The following DENND3 variants were observed in gnomAD, a reference collection of about 807,000 sequenced individuals.
DENND3 encodes the protein DENN domain-containing protein 3.
In DENND3, 88 loss-of-function variants were observed where a neutral mutation model predicts 135.1. The ratio of observed to expected loss-of-function variants is 0.65; its 90% CI spans 0.55 to 0.78. The LOEUF is 0.78. DENND3 is among the 30% of genes least tolerant of loss of function. The pLI, the probability that DENND3 is intolerant of heterozygous loss-of-function variation, is 0.00. For missense variants in DENND3, 1,392 were observed against 1,688.4 expected (o/e 0.82, Z 3.08); for synonymous variants, 693 against 712.3 (o/e 0.97, Z 0.43).
In DENND3 at chr8:141,168,335, G is replaced by A. The variant is rs780420894; in HGVS notation, c.2085G>A (p.Pro695=). 1.1e-5 allele frequency: 18 copies of A among 1,613,814 alleles called. No homozygotes were observed. The highest frequency in any genetic ancestry group is 5.3e-5 in the African/African-American group (4 of 74,910). The change falls in exon 13 of 23, where the codon CCG becomes CCA. Residue 695 remains proline (P), a synonymous_variant. Coordinates refer to ENST00000519811, the MANE Select transcript of DENND3 (RefSeq NM_001352890.3). This position sits in a 1 kb window ranked among gnomAD's most constrained non-coding sequence, Gnocchi z 6.2. ...APEWEGAEQA[P]ELMRLISEIL... The stretch of plus-strand genomic sequence containing the variant: ...AGTGGGAGGGGGCTGAGCAGGCGCC[G>A]GAGCTGATGAGGCTCATCAGCGAGA...
intron 20 of DENND3, chr8:141,191,927 C>T (rs1287703746): frequency 6.3e-6 from 1 of 158,354 alleles, no homozygotes; most frequent in Non-Finnish European, 1.4e-5. Context: ...CTAAGAATTG[C>T]AATATGCAAC....
rs1419876825 is a variant in DENND3 at position 141,139,141 on chromosome 8, G to T, written c.501+1004G>T. ...AGCGAGCCGGAGCCTTAATTTAGGT[G>T]CCCTGGTGCCATGAAGGGAAGTCTG... On this transcript the variant is annotated intron_variant, in intron 3 of 22. Transcript: ENST00000519811. The surrounding 1 kb of genome is among the most constrained non-coding windows in gnomAD (Gnocchi z 4.2). Among the ~76,000 whole-genome samples, 4 of 152,136 alleles carry T rather than the reference G, an allele frequency of 2.6e-5. No individual in the cohort carries two copies. Among genetic ancestry groups the T allele is most frequent in the Non-Finnish European group, 1.5e-5 (1 of 68,034 alleles).
Position 141,130,646 on chromosome 8 carries a change from G to GTT in DENND3, c.102+1842_102+1843dup, listed in dbSNP as rs112503159. On this transcript the variant is annotated intron_variant, in intron 1 of 22. Coordinates refer to ENST00000519811, the MANE Select transcript of DENND3 (RefSeq NM_001352890.3). This position sits in a 1 kb window ranked among gnomAD's most constrained non-coding sequence, Gnocchi z 4.2. Reference sequence around the variant, plus strand: ...AACATATGATTTTATTTATTTAGATGTTTTTTCGGCGGTTCTATTTTGAAT... The same window carrying GTT: ...AACATATGATTTTATTTATTTAGATGTTTTTTTTCGGCGGTTCTATTTTGAAT... 3.3e-5 allele frequency among the ~76,000 whole-genome samples: 5 copies of GTT among 151,140 alleles called. No homozygotes were observed. Among genetic ancestry groups the GTT allele is most frequent in the Admixed American group, 1.3e-4 (2 of 15,200 alleles).
intron 17 of DENND3, among the ~76,000 whole-genome samples, chr8:141,183,594 TC>T (rs1437814783): frequency 2.6e-5 from 4 of 151,822 alleles, no homozygotes; most frequent in Non-Finnish European, 5.9e-5. Context: ...TTTTTTTTCC[TC>T]CTTTCAAATG....
intron 17 of DENND3, among the ~76,000 whole-genome samples, chr8:141,183,135 A>G (rs1028042762): frequency 1.1e-4 from 17 of 152,252 alleles, no homozygotes; most frequent in Admixed American, 9.8e-4. Flanking sequence ...CTTCTAGGTG[A>G]TAGGGTAGAA....
In DENND3 at chr8:141,168,537, C is replaced by T; in HGVS notation, c.2275+12C>T. 6.3e-7 allele frequency: 1 copy of T among 1,591,048 alleles called. No individual in the cohort carries two copies. The highest frequency in any genetic ancestry group is 8.6e-7 in the Non-Finnish European group (1 of 1,166,012). ...GGCCTTGACTGTAGGTAAGAGGAGG[C>T]CTGGCACCATCACAGATTTTATTAT... On this transcript the variant is annotated intron_variant, in intron 13 of 22. Transcript: ENST00000519811. This position sits in a 1 kb window ranked among gnomAD's most constrained non-coding sequence, Gnocchi z 6.2.
In DENND3 at chr8:141,154,996, T is replaced by C. The variant is rs1267569186; in HGVS notation, c.1075-853T>C. On this transcript the variant is annotated intron_variant, in intron 7 of 22. Coordinates refer to ENST00000519811, the MANE Select transcript of DENND3 (RefSeq NM_001352890.3). This position sits in a 1 kb window ranked among gnomAD's most constrained non-coding sequence, Gnocchi z 4.4. ...CTCAGATGGGTGAGCCTCACAGACA[T>C]CAACGTGGAGTGAAATAGGCCAGTC... 1.3e-5 allele frequency among the ~76,000 whole-genome samples: 2 copies of C among 152,158 alleles called. No homozygotes were observed. The highest frequency in any genetic ancestry group is 2.9e-5 in the Non-Finnish European group (2 of 68,030).
chr8:141,162,017 C>T (rs2154613087), intron 9 of DENND3, among the ~76,000 whole-genome samples: 1 of 152,218 alleles, frequency 6.6e-6, no homozygotes, highest in Middle Eastern at 3.4e-3. Context: ...GTTTACCAGG[C>T]TAGTCTCCAA....
intron 10 of DENND3, 32 bp from the exon 11 acceptor site, chr8:141,165,154 A>C (rs200888529): frequency 6.3e-7 from 1 of 1,581,918 alleles, no homozygotes; most frequent in East Asian, 2.2e-5. Flanking sequence ...GAGTCGGCAC[A>C]GCCCAGTGAC....
chr8:141,152,848 C>T (rs144052253), intron 7 of DENND3, among the ~76,000 whole-genome samples: 1 of 152,280 alleles, frequency 6.6e-6, no homozygotes, highest in East Asian at 1.9e-4. Flanking sequence ...GCGGCCGTGC[C>T]GTTTTACACT....
At chr8:141,148,743 ATT>A (rs555448156) in intron 5 of DENND3, among the ~76,000 whole-genome samples, 5 of 147,390 alleles carry the variant, frequency 3.4e-5, no homozygotes, top group African/African-American at 9.9e-5. Flanking sequence ...TAGCATTTGT[ATT>A]TTTTTTTTTA....
In DENND3 at chr8:141,166,685, G is replaced by A. The variant is rs1463065167; in HGVS notation, c.1753+296G>A. On this transcript the variant is annotated intron_variant, in intron 12 of 22. Coordinates refer to ENST00000519811, the MANE Select transcript of DENND3 (RefSeq NM_001352890.3). This position sits in a 1 kb window ranked among gnomAD's most constrained non-coding sequence, Gnocchi z 4.3. ...GTCTCTGTATGTGTGGATTGCATGT[G>A]TATAAATACATATTTACACATCCAC... Among the ~76,000 whole-genome samples the A allele has an allele frequency of 1.3e-5, 2 of 152,194 alleles. No homozygotes were observed.
Position 141,192,493 on chromosome 8 carries a change from G to C in DENND3, c.3499-33G>C, listed in dbSNP as rs779243151. 4 of 1,612,270 alleles carry C rather than the reference G, an allele frequency of 2.5e-6. No homozygotes were observed. The East Asian group carries it at 8.9e-5, about 36-fold the overall frequency. ...TGGGCCCAGCATGTGCGTGGCCCGG[G>C]GCCCATAGCCCACACCGTGCCCTGC... On this transcript the variant is annotated intron_variant, in intron 21 of 22. Coordinates refer to ENST00000519811, the MANE Select transcript of DENND3 (RefSeq NM_001352890.3).
chr8:141,167,921 C>A lies in DENND3; in HGVS notation c.1754-83C>A. On this transcript the variant is annotated intron_variant, in intron 12 of 22. Coordinates refer to ENST00000519811, the MANE Select transcript of DENND3 (RefSeq NM_001352890.3). The surrounding 1 kb of genome is among the most constrained non-coding windows in gnomAD (Gnocchi z 4.1). ...TATTTTGCATCCAGAGAAACATTGT[C>A]CTTGACAAGATGATGTGACAGGGAC... 6.6e-7 allele frequency: 1 copy of A among 1,515,872 alleles called. No homozygotes were observed. The highest frequency in any genetic ancestry group is 8.9e-7 in the Non-Finnish European group (1 of 1,124,482). 93.9% of individuals were successfully genotyped at this position (1,515,872 alleles called of 1,614,324 possible). A position where few individuals can be genotyped will look rare whatever the true frequency, so the allele number is the denominator to read the frequency against.
chr8:141,192,810 G>A (rs1824945355), intron 22 of DENND3, 147 bp downstream of exon 22: 2 of 1,571,844 alleles, frequency 1.3e-6, no homozygotes, highest in African/African-American at 1.4e-5. Flanking sequence ...GCACGTGCAG[G>A]GTTGGTGCCA....
rs925880772 is a variant in DENND3 at position 141,137,587 on chromosome 8, C to T, written c.386-435C>T. ...GGCCTGCACTTAGTCCCCAGGCTCG[C>T]CAGTTCCAGTTAACAGGTGAGCTTG... On this transcript the variant is annotated intron_variant, in intron 2 of 22. Coordinates refer to ENST00000519811, the MANE Select transcript of DENND3 (RefSeq NM_001352890.3). The surrounding 1 kb of genome is among the most constrained non-coding windows in gnomAD (Gnocchi z 4.1). Among the ~76,000 whole-genome samples, 3 of 152,216 alleles carry T rather than the reference C, an allele frequency of 2.0e-5. No individual in the cohort carries two copies. The highest frequency in any genetic ancestry group is 7.2e-5 in the African/African-American group (3 of 41,452).
intron 1 of DENND3, chr8:141,129,960 A>G (rs569324836): frequency 1.3e-5 from 2 of 152,362 alleles, no homozygotes; most frequent in African/African-American, 2.4e-5. Flanking sequence ...ACGCCCTGTC[A>G]TGTCAGTAGA....
At chr8:141,176,290 A>AAAAAAACAAAAAC in intron 14 of DENND3, 1 of 212,336 alleles carries the variant, frequency 4.7e-6, no homozygotes. Context: ...AACAAAACAA[A>AAAAAAACAAAAAC]AAAAAAAAAA....
chr8:141,144,183 A>C lies in DENND3; in HGVS notation c.659A>C (p.Glu220Ala). 1 of 1,613,792 alleles carries C rather than the reference A, an allele frequency of 6.2e-7. No homozygotes were observed. The highest frequency in any genetic ancestry group is 8.5e-7 in the Non-Finnish European group (1 of 1,179,950). ...LALLKPCKDF[E>A]VDSHIKDFAA... The stretch of plus-strand genomic sequence containing the variant: ...CTTCTGAAGCCCTGTAAAGATTTTG[A>C]AGTGGACAGTCATATAAAAGATTTC... Residue 220 changes from glutamate (E) to alanine (A), a missense_variant, in exon 5 of 23, where the codon GAA (glutamate) becomes GCA (alanine). Coordinates refer to ENST00000519811, the MANE Select transcript of DENND3 (RefSeq NM_001352890.3). The surrounding 1 kb of genome is among the most constrained non-coding windows in gnomAD (Gnocchi z 4.4).
Sources: gnomAD v4.1 joint callset for allele counts (sites outside exome capture counted in the v4.1 genomes callset) on GRCh38, gnomAD v4.1.1 for gene constraint, Gnocchi (gnomAD v3.1) non-coding constraint, MANE v1.5 for transcripts, NCBI Gene and HGNC (gene_info 2026-07-23, HGNC 2026-07-21) for gene names.